The following TMEM178B variants were observed in gnomAD, a reference collection of about 807,000 sequenced individuals.
The protein encoded by TMEM178B is transmembrane protein 178B.
Under a neutral mutation model 31.0 loss-of-function variants are expected in TMEM178B, and 5 were observed. The ratio of observed to expected loss-of-function variants is 0.16; its 90% CI spans 0.08 to 0.34. TMEM178B has a LOEUF of 0.34. Ranked by LOEUF, TMEM178B falls within the 10% of genes least tolerant of loss-of-function variation. TMEM178B has a pLI of 1.00. For synonymous variants in TMEM178B, 164 were observed against 164.0 expected (o/e 1.00, Z 0.00); for missense variants, 275 against 400.3 (o/e 0.69, Z 2.67).
At chr7:141,164,217 T>C (rs2129182019) in intron 1 of TMEM178B, among the ~76,000 whole-genome samples, 1 of 152,292 alleles carries the variant, frequency 6.6e-6, no homozygotes, top group East Asian at 1.9e-4. Context: ...AAACTCAAAA[T>C]GTGAAATTCA....
At chr7:141,382,501 T>C (rs1800336547) in intron 2 of TMEM178B, among the ~76,000 whole-genome samples, 1 of 152,208 alleles carries the variant, frequency 6.6e-6, no homozygotes, top group African/African-American at 2.4e-5. Flanking sequence ...CACTCATAAA[T>C]TATGTTTTCT....
At chr7:141,289,330 T>G (rs182149566) in intron 2 of TMEM178B, among the ~76,000 whole-genome samples, 1 of 152,298 alleles carries the variant, frequency 6.6e-6, no homozygotes, top group East Asian at 1.9e-4. Context: ...TTTATTGCAA[T>G]AACTCTGTAA....
chr7:141,160,034 T>C (rs1350197730), intron 1 of TMEM178B, among the ~76,000 whole-genome samples: 2 of 132,530 alleles, frequency 1.5e-5, no homozygotes, highest in Admixed American at 8.2e-5. Context: ...AATTTAGATA[T>C]GTAATATATA....
intron 2 of TMEM178B, among the ~76,000 whole-genome samples, chr7:141,241,421 G>A (rs1421667190): frequency 2.6e-5 from 4 of 151,544 alleles, no homozygotes; most frequent in African/African-American, 9.7e-5. Flanking sequence ...GTGAAAACCC[G>A]TCTCTACTAA....
chr7:141,394,563 C>T (rs1311518758), intron 2 of TMEM178B, among the ~76,000 whole-genome samples: 1 of 152,194 alleles, frequency 6.6e-6, no homozygotes, highest in African/African-American at 2.4e-5. Flanking sequence ...TAAAATGCCT[C>T]ATCTTCCACA....
chr7:141,187,439 T>C (rs1341911621), intron 1 of TMEM178B, among the ~76,000 whole-genome samples: 1 of 152,188 alleles, frequency 6.6e-6, no homozygotes, highest in African/African-American at 2.4e-5. Flanking sequence ...TGATTTATAA[T>C]CCTTTGGGTA....
At chr7:141,263,732 T>G (rs1352858985) in intron 2 of TMEM178B, among the ~76,000 whole-genome samples, 1 of 152,268 alleles carries the variant, frequency 6.6e-6, no homozygotes, top group East Asian at 1.9e-4. Flanking sequence ...CTGCAGGGAT[T>G]TTCCCAGTGG....
chr7:141,402,436 C>G (rs1800801630), intron 2 of TMEM178B, among the ~76,000 whole-genome samples: 1 of 152,226 alleles, frequency 6.6e-6, no homozygotes, highest in South Asian at 2.1e-4. Flanking sequence ...TTCCTGCTAA[C>G]TTTTCACCTG....
At chr7:141,489,996 G>C in the TMEM178B span, among the ~76,000 whole-genome samples, 1 of 152,198 alleles carries the variant, frequency 6.6e-6, no homozygotes, top group South Asian at 2.1e-4. Context: ...TGTTAGAGTG[G>C]ACACATGGAT....
At chr7:141,240,478 G>T (rs1284125017) in intron 2 of TMEM178B, among the ~76,000 whole-genome samples, 1 of 152,152 alleles carries the variant, frequency 6.6e-6, no homozygotes, top group Admixed American at 6.5e-5. Context: ...GAATATTCTT[G>T]TCTCTTCCAT....
intron 3 of TMEM178B, among the ~76,000 whole-genome samples, chr7:141,467,556 G>A (rs979952586): frequency 9.9e-5 from 15 of 152,012 alleles, no homozygotes; most frequent in Non-Finnish European, 1.6e-4. Flanking sequence ...TGATGACCAC[G>A]GCAACCTCCT....
intron 2 of TMEM178B, among the ~76,000 whole-genome samples, chr7:141,328,421 G>T (rs1306857335): frequency 6.6e-6 from 1 of 152,180 alleles, no homozygotes; most frequent in African/African-American, 2.4e-5. Context: ...GAGACTCAGG[G>T]AGGGAGTTCC....
intron 2 of TMEM178B, among the ~76,000 whole-genome samples, chr7:141,336,140 C>T (rs983003609): frequency 7.9e-5 from 12 of 152,102 alleles, no homozygotes; most frequent in African/African-American, 2.4e-4. Flanking sequence ...CTCGCTGGCC[C>T]CGCCCTGGTC....
At chr7:141,212,355 G>C (rs1797064417) in intron 1 of TMEM178B, among the ~76,000 whole-genome samples, 1 of 152,116 alleles carries the variant, frequency 6.6e-6, no homozygotes, top group African/African-American at 2.4e-5. Flanking sequence ...CCTAAACATT[G>C]GTTCTTCCCA....
intron 1 of TMEM178B, among the ~76,000 whole-genome samples, chr7:141,154,347 C>T (rs1796030648): frequency 6.6e-6 from 1 of 152,250 alleles, no homozygotes; most frequent in Non-Finnish European, 1.5e-5. Flanking sequence ...CGCTGAGGTC[C>T]TCATTGCTGG....
chr7:141,126,538 C>A (rs1205335981), intron 1 of TMEM178B, among the ~76,000 whole-genome samples: 1 of 152,220 alleles, frequency 6.6e-6, no homozygotes, highest in Non-Finnish European at 1.5e-5. Flanking sequence ...AAACCTGACC[C>A]TCTCTTCCTT....
At chr7:141,177,556 CT>C (rs1338732540) in intron 1 of TMEM178B, among the ~76,000 whole-genome samples, 2 of 152,082 alleles carry the variant, frequency 1.3e-5, no homozygotes, top group Non-Finnish European at 2.9e-5. Flanking sequence ...TTAAAGTCTC[CT>C]ACTATTATTG....
At chr7:141,212,423 G>A (rs1445316899) in intron 1 of TMEM178B, among the ~76,000 whole-genome samples, 168 bp from the exon 2 acceptor site, 1 of 152,166 alleles carries the variant, frequency 6.6e-6, no homozygotes, top group Non-Finnish European at 1.5e-5. Flanking sequence ...TTTGATTGTA[G>A]TTCTACTCTC....
At chr7:141,457,352 C>T (rs1801983516) in intron 3 of TMEM178B, among the ~76,000 whole-genome samples, 1 of 152,140 alleles carries the variant, frequency 6.6e-6, no homozygotes, top group Admixed American at 6.6e-5. Flanking sequence ...AATATACCCA[C>T]ATATAAAGAG....
Sources: gnomAD v4.1 joint callset for allele counts (sites outside exome capture counted in the v4.1 genomes callset) on GRCh38, gnomAD v4.1.1 for gene constraint, MANE v1.5 for transcripts, NCBI Gene and HGNC (gene_info 2026-07-23, HGNC 2026-07-21) for gene names.